The following VSIG10L2 variants were observed in gnomAD, a reference collection of about 807,000 sequenced individuals.
The protein encoded by VSIG10L2 is V-set and immunoglobulin domain containing 10 like 2.
In VSIG10L2, 56 loss-of-function variants were observed where a neutral mutation model predicts 67.1. That is an observed-to-expected ratio of 0.83 (90% CI 0.67 to 1.04). VSIG10L2 has a LOEUF of 1.04. VSIG10L2 is among the 50% of genes least tolerant of loss of function. The pLI is 0.00. For missense variants in VSIG10L2, 843 were observed against 932.8 expected (o/e 0.90, Z 1.25); for synonymous variants, 360 against 396.6 (o/e 0.91, Z 1.10).
Position 125,946,303 on chromosome 11 carries a change from C to T in VSIG10L2, c.82+166C>T, listed in dbSNP as rs1034368583. 2.6e-5 allele frequency among the ~76,000 whole-genome samples: 4 copies of T among 152,212 alleles called. No homozygotes were observed. The highest frequency in any genetic ancestry group is 7.2e-5 in the African/African-American group (3 of 41,448). On this transcript the variant is annotated intron_variant, in intron 1 of 11. Coordinates refer to ENST00000686984, the MANE Select transcript of VSIG10L2 (RefSeq NM_001365077.2). The surrounding 1 kb of genome is among the most constrained non-coding windows in gnomAD (Gnocchi z 4.4). Reference sequence around the variant, plus strand: ...TTCACTGAGCGACTACTATGTGCCACGTAGGTGAGAGCACTCTGCTTAACC... The same window carrying T: ...TTCACTGAGCGACTACTATGTGCCATGTAGGTGAGAGCACTCTGCTTAACC...
Position 125,946,905 on chromosome 11 carries a change from C to T in VSIG10L2, c.82+768C>T, listed in dbSNP as rs886595465. Among the ~76,000 whole-genome samples, 4 of 152,154 alleles carry T rather than the reference C, an allele frequency of 2.6e-5. No individual in the cohort carries two copies. The highest frequency in any genetic ancestry group is 4.8e-5 in the African/African-American group (2 of 41,444). ...CTTCATGGCATGAGGCCCACCCTGG[C>T]CACATGTGAGGGGACAGCGGGGAAC... On this transcript the variant is annotated intron_variant, in intron 1 of 11. Coordinates refer to ENST00000686984, the MANE Select transcript of VSIG10L2 (RefSeq NM_001365077.2). This position sits in a 1 kb window ranked among gnomAD's most constrained non-coding sequence, Gnocchi z 4.4.
chr11:125,949,370 G>A (rs774863906), intron 3 of VSIG10L2, among the ~76,000 whole-genome samples: 1 of 152,202 alleles, frequency 6.6e-6, no homozygotes, highest in African/African-American at 2.4e-5. Flanking sequence ...GGTCTTAGAC[G>A]TTTTAAGGAG....
intron 5 of VSIG10L2, 168 bp from the exon 6 acceptor site, chr11:125,951,642 CCCA>C (rs1945374030): frequency 1.4e-6 from 1 of 700,682 alleles, no homozygotes; most frequent in Non-Finnish European, 2.3e-6. Context: ...AATGTCTGTT[CCCA>C]CCATTTCCCT....
At chr11:125,947,284 C>G (rs1340131991) in intron 1 of VSIG10L2, 3 of 301,624 alleles carry the variant, frequency 9.9e-6, no homozygotes, top group African/African-American at 6.8e-5. Flanking sequence ...CGTCACGGGA[C>G]TGATCATCAG....
intron 1 of VSIG10L2, 192 bp from the exon 2 acceptor site, chr11:125,947,494 C>T (rs1457002393): frequency 1.0e-6 from 1 of 985,318 alleles, no homozygotes; most frequent in Admixed American, 6.1e-5. Flanking sequence ...TGCATCCAAA[C>T]AGGAAACCCA....
chr11:125,946,544 C>CTTT lies in VSIG10L2; in HGVS notation c.82+418_82+420dup, dbSNP rs745417197. ...GGTTTCTGGGTTACATATTTTTATTCTTTTTTTTTTTTTGAGATGGAGTCT... is the reference window on the plus strand; with the variant it reads ...GGTTTCTGGGTTACATATTTTTATTCTTTTTTTTTTTTTTTTGAGATGGAGTCT... On this transcript the variant is annotated intron_variant, in intron 1 of 11. Transcript: ENST00000686984. This position sits in a 1 kb window ranked among gnomAD's most constrained non-coding sequence, Gnocchi z 4.4. Among the ~76,000 whole-genome samples the CTTT allele has an allele frequency of 1.7e-4, 25 of 142,960 alleles. 1 individual carries two copies. The highest frequency in any genetic ancestry group is 8.8e-4 in the South Asian group (4 of 4,532). The allele number at this position is 142,960 out of a possible 152,430, so 93.8% of individuals were successfully genotyped here.
chr11:125,946,541 A>ATCCTT lies in VSIG10L2; in HGVS notation c.82+405_82+406insCCTTT, dbSNP rs1945304703. On this transcript the variant is annotated intron_variant, in intron 1 of 11. Transcript: ENST00000686984. The surrounding 1 kb of genome is among the most constrained non-coding windows in gnomAD (Gnocchi z 4.4). ...ATTGGTTTCTGGGTTACATATTTTT[A>ATCCTT]TTCTTTTTTTTTTTTTGAGATGGAG... Among the ~76,000 whole-genome samples the ATCCTT allele has an allele frequency of 8.2e-6, 1 of 121,722 alleles. No homozygotes were observed. Among genetic ancestry groups the ATCCTT allele is most frequent in the Non-Finnish European group, 1.9e-5 (1 of 52,866 alleles). The allele number at this position is 121,722 out of a possible 152,430, so 79.9% of individuals were successfully genotyped here. A position where few individuals can be genotyped will look rare whatever the true frequency, so the allele number is the denominator to read the frequency against.
intron 4 of VSIG10L2, 93 bp downstream of exon 4, chr11:125,950,382 C>T: frequency 8.3e-7 from 1 of 1,198,734 alleles, no homozygotes. Context: ...ACCCCGCCGT[C>T]CCGTGGAGAG....
intron 9 of VSIG10L2, 123 bp downstream of exon 9, chr11:125,955,302 C>A: frequency 7.8e-7 from 1 of 1,287,626 alleles, no homozygotes; most frequent in Non-Finnish European, 1.0e-6. Flanking sequence ...TAATTCAGAC[C>A]CTCTCCCCAG....
chr11:125,953,442 T>C lies in VSIG10L2; in HGVS notation c.1538T>C (p.Leu513Ser), dbSNP rs1945405224. 6 of 1,232,258 alleles carry C rather than the reference T, an allele frequency of 4.9e-6. No individual in the cohort carries two copies. The highest frequency in any genetic ancestry group is 3.2e-5 in the East Asian group (1 of 31,698). 76.3% of individuals were successfully genotyped at this position (1,232,258 alleles called of 1,614,324 possible). A position where few individuals can be genotyped will look rare whatever the true frequency, so the allele number is the denominator to read the frequency against. Residue 513 changes from leucine (L) to serine (S), a missense_variant, in exon 7 of 12, where the codon TTG (leucine) becomes TCG (serine). Physicochemically the swap from Leu to Ser is moderately radical, Grantham distance 145. This residue lies in a region of VSIG10L2 where 397 missense variants were observed against 384.4 expected (regional missense o/e 1.03). Transcript: ENST00000686984. ...GTGGCTGAGCCCCGCGTGTCAGTGT[T>C]GGAGGGGGGAGAGGCCTGGCTGGAG... ...LDVAEPRVSV[L>S]EGGEAWLECS...
intron 6 of VSIG10L2, 86 bp from the exon 7 acceptor site, chr11:125,953,314 A>G: frequency 8.9e-7 from 1 of 1,123,294 alleles, no homozygotes; most frequent in Non-Finnish European, 1.1e-6. Flanking sequence ...CTCCCGCTCC[A>G]TCTCTTCTCC....
chr11:125,949,956 T>C, intron 3 of VSIG10L2, 58 bp from the exon 4 acceptor site: 1 of 1,227,672 alleles, frequency 8.1e-7, no homozygotes, highest in Admixed American at 4.2e-5. Context: ...GAGATGAGCA[T>C]GTGCGTGAAT....
chr11:125,953,142 C>T (rs1006790173), intron 6 of VSIG10L2, among the ~76,000 whole-genome samples: 2 of 152,102 alleles, frequency 1.3e-5, no homozygotes, highest in African/African-American at 4.8e-5. Flanking sequence ...CTGCAGGAGC[C>T]GAGGCTAGGG....
In VSIG10L2 at chr11:125,950,304, C is replaced by A; in HGVS notation, c.985+15C>A. On this transcript the variant is annotated intron_variant, in intron 4 of 11. Coordinates refer to ENST00000686984, the MANE Select transcript of VSIG10L2 (RefSeq NM_001365077.2). ...CACCATCTACTGTGAGTGTGGGGGTCGGGTGACGCCCAGACCTGTCCTGGG... is the reference window on the plus strand; with the variant it reads ...CACCATCTACTGTGAGTGTGGGGGTAGGGTGACGCCCAGACCTGTCCTGGG... 1 of 1,232,316 alleles carries A rather than the reference C, an allele frequency of 8.1e-7. No homozygotes were observed. Among genetic ancestry groups the A allele is most frequent in the South Asian group, 4.1e-5 (1 of 24,272 alleles). The allele number at this position is 1,232,316 out of a possible 1,614,324, so 76.3% of individuals were successfully genotyped here. A position where few individuals can be genotyped will look rare whatever the true frequency, so the allele number is the denominator to read the frequency against.
intron 4 of VSIG10L2, 106 bp from the exon 5 acceptor site, chr11:125,950,804 C>G: frequency 9.2e-7 from 1 of 1,090,634 alleles, no homozygotes; most frequent in Non-Finnish European, 1.2e-6. Context: ...CTCCCTGCTC[C>G]CCTACCCACT....
Position 125,950,944 on chromosome 11 carries a change from T to C in VSIG10L2, c.1020T>C (p.His340=). The change falls in exon 5 of 12, where the codon CAT becomes CAC. Residue 340 remains histidine, a synonymous_variant. Coordinates refer to ENST00000686984, the MANE Select transcript of VSIG10L2 (RefSeq NM_001365077.2). ...AGGGACAGCCCTCCTGTGCAGTGCA[T>C]CCCAGCCCTGAGGCTGTGACCCTGC... ...PPEGQPSCAV[H]PSPEAVTLLC... The C allele has an allele frequency of 4.1e-6, 5 of 1,232,372 alleles. No individual in the cohort carries two copies. The highest frequency in any genetic ancestry group is 4.0e-6 in the Non-Finnish European group (4 of 988,198). 76.3% of individuals were successfully genotyped at this position (1,232,372 alleles called of 1,614,324 possible). A position where few individuals can be genotyped will look rare whatever the true frequency, so the allele number is the denominator to read the frequency against.
At chr11:125,955,558 A>C in intron 10 of VSIG10L2, 52 bp downstream of exon 10, 2 of 1,424,838 alleles carry the variant, frequency 1.4e-6, no homozygotes, top group South Asian at 2.5e-5. Flanking sequence ...CTCCAGTTGG[A>C]AAGGAAAGCG....
At position 125,946,250 on chromosome 11, in the gene VSIG10L2, C is replaced by T. The variant is rs1165763040; in HGVS notation, c.82+113C>T. ...CTCCATTCCATGAAGTCCGTTCAGT[C>T]ATTCATCGGCTAGACATTTAACTAG... On this transcript the variant is annotated intron_variant, in intron 1 of 11. Coordinates refer to ENST00000686984, the MANE Select transcript of VSIG10L2 (RefSeq NM_001365077.2). This position sits in a 1 kb window ranked among gnomAD's most constrained non-coding sequence, Gnocchi z 4.4. 26 of 397,344 alleles carry T rather than the reference C, an allele frequency of 6.5e-5. No homozygotes were observed. The highest frequency in any genetic ancestry group is 3.1e-5 in the Non-Finnish European group (7 of 225,594). The allele number at this position is 397,344 out of a possible 1,614,324, so 24.6% of individuals were successfully genotyped here.
intron 3 of VSIG10L2, 135 bp from the exon 4 acceptor site, chr11:125,949,879 G>A: frequency 1.1e-6 from 1 of 928,500 alleles, no homozygotes; most frequent in Non-Finnish European, 1.4e-6. Context: ...GCTCTAAGAG[G>A]GCCTAGCCTT....
Sources: gnomAD v4.1 joint callset for allele counts (sites outside exome capture counted in the v4.1 genomes callset) on GRCh38, gnomAD v4.1.1 for gene constraint, gnomAD v4.1.1 regional missense constraint, Gnocchi (gnomAD v3.1) non-coding constraint, MANE v1.5 for transcripts, NCBI Gene and HGNC (gene_info 2026-07-23, HGNC 2026-07-21) for gene names.